CCDC85C: variants seen among roughly 807,000 people sequenced by gnomAD.
CCDC85C encodes coiled-coil domain containing 85C.
In CCDC85C, 18 loss-of-function variants were observed where a neutral mutation model predicts 38.3. The observed-to-expected ratio is 0.47, with a 90% CI of 0.33 to 0.70. The LOEUF (loss-of-function observed/expected upper bound fraction) is 0.70. Ranked by LOEUF, CCDC85C falls within the 30% of genes least tolerant of loss-of-function variation. The pLI, the probability that CCDC85C is intolerant of heterozygous loss-of-function variation, is 0.03. For missense variants in CCDC85C, 566 were observed against 621.2 expected, an observed-to-expected ratio of 0.91 and a Z score of 0.94; for synonymous variants, 264 against 293.8, an observed-to-expected ratio of 0.90 and a Z score of 1.04.
In CCDC85C at chr14:99,545,097, G is replaced by T. The variant is rs1274038442; in HGVS notation, c.794-9009C>A. ...GCCCTAATGAGAATGAAATCTCCTG[G>T]TGCTGGCCGGTCAGCCTTCCCCAGT... is the stretch of plus-strand genomic sequence containing the variant. On this transcript the variant is annotated intron_variant, in intron 1 of 5. Coordinates refer to ENST00000380243, the MANE Select transcript of CCDC85C (RefSeq NM_001144995.2). This position sits in a 1 kb window ranked among gnomAD's most constrained non-coding sequence, Gnocchi z 4.7. 1.3e-5 allele frequency among the ~76,000 whole-genome samples: 2 copies of T among 152,184 alleles called. No individual in the cohort carries two copies. The highest frequency in any genetic ancestry group is 2.9e-5 in the Non-Finnish European group (2 of 68,030).
intron 1 of CCDC85C, among the ~76,000 whole-genome samples, chr14:99,560,420 C>G (rs1456206577): frequency 1.3e-5 from 2 of 152,218 alleles, no homozygotes; most frequent in Non-Finnish European, 2.9e-5. Flanking sequence ...GGGATGACTG[C>G]TCACAGCACC....
At chr14:99,518,300 TC>T in intron 3 of CCDC85C, among the ~76,000 whole-genome samples, 1 of 150,796 alleles carries the variant, frequency 6.6e-6, no homozygotes, top group Admixed American at 6.6e-5. Context: ...GTTGACCGGC[TC>T]CCGCCTCCAC....
chr14:99,507,327 A>G lies in CCDC85C; in HGVS notation c.*7919T>C. 1 of 608,720 alleles carries G rather than the reference A, an allele frequency of 1.6e-6. No homozygotes were observed. The highest frequency in any genetic ancestry group is 2.8e-5 in the East Asian group (1 of 35,910). The allele number at this position is 608,720 out of a possible 1,614,324, so 37.7% of individuals were successfully genotyped here. ...CACAATGGCTTGTGTTTTTGATCCC[A>G]GCACTTTGGGAGGCGGAGGCAGGAG... On this transcript the variant is annotated 3_prime_UTR_variant, in exon 6 of 6. Transcript: ENST00000380243.
chr14:99,502,188 T>A lies in CCDC85C; in HGVS notation c.*13058A>T, dbSNP rs759010814. 90 of 1,553,946 alleles carry A rather than the reference T, an allele frequency of 5.8e-5. No individual in the cohort carries two copies. Among genetic ancestry groups the A allele is most frequent in the Admixed American group, 4.3e-4 (22 of 50,592 alleles). On this transcript the variant is annotated 3_prime_UTR_variant, in exon 6 of 6. Coordinates refer to ENST00000380243, the MANE Select transcript of CCDC85C (RefSeq NM_001144995.2). ...TATTAGATCATATTATCTAACCTTTTTTTTTCTTGTTGAACTAGTCTCTGC... is the reference window on the plus strand; with the variant it reads ...TATTAGATCATATTATCTAACCTTTATTTTTCTTGTTGAACTAGTCTCTGC...
rs1595320159 is a variant in CCDC85C, at chr14:99,504,448, T to C, written c.*10798A>G. 7.7e-6 allele frequency: 1 copy of C among 130,566 alleles called. No homozygotes were observed. Among genetic ancestry groups the C allele is most frequent in the African/African-American group, 2.8e-5 (1 of 36,102 alleles). The allele number at this position is 130,566 out of a possible 1,614,324, so 8.1% of individuals were successfully genotyped here. A position where few individuals can be genotyped will look rare whatever the true frequency, so the allele number is the denominator to read the frequency against. ...GAGGGAATGATGAGTTCAGTACAGG[T>C]GAATTTTTTTTTTTTTTTTGAGACA... is the stretch of plus-strand genomic sequence containing the variant. On this transcript the variant is annotated 3_prime_UTR_variant, in exon 6 of 6. Transcript: ENST00000380243.
chr14:99,579,589 A>G (rs547818171), intron 1 of CCDC85C, among the ~76,000 whole-genome samples: 1 of 152,336 alleles, frequency 6.6e-6, no homozygotes, highest in African/African-American at 2.4e-5. Flanking sequence ...TCCAGGGCGC[A>G]GCCCCAGACA....
chr14:99,563,736 T>C (rs907253193), intron 1 of CCDC85C, among the ~76,000 whole-genome samples: 2 of 152,102 alleles, frequency 1.3e-5, no homozygotes, highest in African/African-American at 2.4e-5. Context: ...CTGGCCTCCA[T>C]GTGCCAGCAT....
Position 99,572,734 on chromosome 14 carries a change from G to C in CCDC85C, c.793+30433C>G, listed in dbSNP as rs1898380157. ...CTAGCACTCACCAGGATATGAAACT[G>C]TCCCATCCATGGATTTGTTTGCCAG... is the stretch of plus-strand genomic sequence containing the variant. On this transcript the variant is annotated intron_variant, in intron 1 of 5. Transcript: ENST00000380243. The surrounding 1 kb of genome is among the most constrained non-coding windows in gnomAD (Gnocchi z 4.4). The C allele has an allele frequency of 4.4e-6, 2 of 455,950 alleles. No individual in the cohort carries two copies. Among genetic ancestry groups the C allele is most frequent in the African/African-American group, 2.0e-5 (1 of 50,070 alleles). The allele number at this position is 455,950 out of a possible 1,614,324, so 28.2% of individuals were successfully genotyped here.
chr14:99,526,667 A>C (rs1255134084), intron 2 of CCDC85C, among the ~76,000 whole-genome samples: 1 of 152,176 alleles, frequency 6.6e-6, no homozygotes, highest in South Asian at 2.1e-4. Flanking sequence ...CCCTCCAGGA[A>C]GACGAAGCAC....
intron 1 of CCDC85C, among the ~76,000 whole-genome samples, chr14:99,593,398 A>T (rs1178146956): frequency 6.6e-6 from 1 of 152,210 alleles, no homozygotes; most frequent in African/African-American, 2.4e-5. Flanking sequence ...GTCCCCTTCA[A>T]AACAGCCTAG....
intron 1 of CCDC85C, among the ~76,000 whole-genome samples, chr14:99,555,277 G>C (rs1897989100): frequency 6.6e-6 from 1 of 152,214 alleles, no homozygotes; most frequent in Non-Finnish European, 1.5e-5. Flanking sequence ...CTCATGGGAT[G>C]GGACAAGTGG....
chr14:99,502,187 T>A lies in CCDC85C; in HGVS notation c.*13059A>T. 6.4e-7 allele frequency: 1 copy of A among 1,553,712 alleles called. No homozygotes were observed. Among genetic ancestry groups the A allele is most frequent in the Non-Finnish European group, 8.7e-7 (1 of 1,148,458 alleles). On this transcript the variant is annotated 3_prime_UTR_variant, in exon 6 of 6. Coordinates refer to ENST00000380243, the MANE Select transcript of CCDC85C (RefSeq NM_001144995.2). ...ATATTAGATCATATTATCTAACCTT[T>A]TTTTTTCTTGTTGAACTAGTCTCTG...
chr14:99,561,363 G>A (rs796836462), intron 1 of CCDC85C, among the ~76,000 whole-genome samples: 59 of 152,318 alleles, frequency 3.9e-4, no homozygotes, highest in African/African-American at 1.1e-3. Flanking sequence ...CCATGTCACA[G>A]AGAGTGGACA....
At chr14:99,595,154 C>T (rs1409387722) in intron 1 of CCDC85C, among the ~76,000 whole-genome samples, 4 of 152,208 alleles carry the variant, frequency 2.6e-5, no homozygotes, top group African/African-American at 7.2e-5. Context: ...TGTCCTGGGT[C>T]CCCACTCATC....
In CCDC85C at chr14:99,502,502, A is replaced by G; in HGVS notation, c.*12744T>C. On this transcript the variant is annotated 3_prime_UTR_variant, in exon 6 of 6. Transcript: ENST00000380243. ...ATGTGAGCAATATTTCAGAAGCATC[A>G]TTAATTAAATTATCTAATAGTTTCC... is the stretch of plus-strand genomic sequence containing the variant. 2 of 1,391,096 alleles carry G rather than the reference A, an allele frequency of 1.4e-6. No homozygotes were observed. Among genetic ancestry groups the G allele is most frequent in the Non-Finnish European group, 9.6e-7 (1 of 1,042,264 alleles). 86.2% of individuals were successfully genotyped at this position (1,391,096 alleles called of 1,614,324 possible). A position where few individuals can be genotyped will look rare whatever the true frequency, so the allele number is the denominator to read the frequency against.
rs1376031580 is a variant in CCDC85C at position 99,505,242 on chromosome 14, A to C, written c.*10004T>G. Reference sequence around the variant, plus strand: ...AATCTTGCTGGCACTCATGGGAAACATGGTGGCCTCAGCATGCTGGCTGCG... The same window carrying C: ...AATCTTGCTGGCACTCATGGGAAACCTGGTGGCCTCAGCATGCTGGCTGCG... On this transcript the variant is annotated 3_prime_UTR_variant, in exon 6 of 6. Coordinates refer to ENST00000380243, the MANE Select transcript of CCDC85C (RefSeq NM_001144995.2). The C allele has an allele frequency of 1.3e-5, 2 of 152,312 alleles. No homozygotes were observed. Among genetic ancestry groups the C allele is most frequent in the Non-Finnish European group, 2.9e-5 (2 of 68,132 alleles). The allele number at this position is 152,312 out of a possible 1,614,324, so 9.4% of individuals were successfully genotyped here. A position where few individuals can be genotyped will look rare whatever the true frequency, so the allele number is the denominator to read the frequency against.
At chr14:99,600,164 C>T (rs748417404) in intron 1 of CCDC85C, among the ~76,000 whole-genome samples, 1 of 152,246 alleles carries the variant, frequency 6.6e-6, no homozygotes, top group Non-Finnish European at 1.5e-5. Context: ...AAGCAGCAAG[C>T]ACTTTTGAAG....
chr14:99,598,492 G>A (rs907922722), intron 1 of CCDC85C, among the ~76,000 whole-genome samples: 2 of 152,184 alleles, frequency 1.3e-5, no homozygotes, highest in Non-Finnish European at 2.9e-5. Flanking sequence ...GAGATGGGGA[G>A]CCACAGCCAT....
At chr14:99,591,548 A>C (rs2055086724) in intron 1 of CCDC85C, among the ~76,000 whole-genome samples, 2 of 151,508 alleles carry the variant, frequency 1.3e-5, no homozygotes, top group Admixed American at 6.6e-5. Context: ...GCAGGATTTC[A>C]ATCTGCGCAG....
Sources: gnomAD v4.1 joint callset for allele counts (sites outside exome capture counted in the v4.1 genomes callset) on GRCh38, gnomAD v4.1.1 for gene constraint, Gnocchi (gnomAD v3.1) non-coding constraint, MANE v1.5 for transcripts, NCBI Gene and HGNC (gene_info 2026-07-23, HGNC 2026-07-21) for gene names.